The following WDR44 variants were observed in gnomAD, a reference collection of about 807,000 sequenced individuals.
WDR44 encodes WD repeat-containing protein 44.
WDR44 carries 9 observed loss-of-function variants against 65.7 expected under a neutral mutation model. That is an observed-to-expected ratio of 0.14 (90% CI 0.08 to 0.24). The LOEUF is 0.24. WDR44 is among the 10% of genes least tolerant of loss of function. WDR44 has a pLI of 1.00. For missense variants in WDR44, 425 were observed against 670.9 expected (o/e 0.63, Z 4.05); for synonymous variants, 220 against 235.2 (o/e 0.94, Z 0.59).
chrX:118,349,714 C>T (rs886947094), intron 1 of WDR44, among the ~76,000 whole-genome samples: 4 of 110,868 alleles, frequency 3.6e-5, no homozygotes, highest in East Asian at 5.6e-4. Context: ...TGCGCCACCA[C>T]GCCCAGCTAA....
At chrX:118,390,558 G>A (rs936642709) in intron 3 of WDR44, among the ~76,000 whole-genome samples, 8 of 111,434 alleles carry the variant, frequency 7.2e-5, no homozygotes, top group Non-Finnish European at 1.3e-4. Context: ...AGGGATTGGG[G>A]AAGATGCATT....
intron 12 of WDR44, among the ~76,000 whole-genome samples, chrX:118,413,509 C>T (rs2057028998): frequency 9.0e-6 from 1 of 111,385 alleles, no homozygotes. Context: ...CTATTTATGT[C>T]CTTAGCCCAC....
intron 11 of WDR44, 57 bp downstream of exon 11, chrX:118,409,684 T>A: frequency 1.9e-6 from 2 of 1,060,421 alleles, no homozygotes; most frequent in Non-Finnish European, 2.5e-6. Context: ...ATTTTAGGTA[T>A]ACTGATGCCC....
intron 11 of WDR44, 142 bp downstream of exon 11, chrX:118,409,769 A>G: frequency 1.8e-6 from 1 of 551,112 alleles, no homozygotes; most frequent in Non-Finnish European, 2.8e-6. Context: ...GACAGACGTC[A>G]GTGGCAAAAA....
At chrX:118,378,339 C>T (rs2056680753) in intron 1 of WDR44, 80 bp from the exon 2 acceptor site, 1 of 781,522 alleles carries the variant, frequency 1.3e-6, no homozygotes, top group African/African-American at 2.1e-5. Flanking sequence ...TAAATGTGGA[C>T]TTGTCTGTAG....
chrX:118,383,519 T>G (rs991149633), intron 2 of WDR44, among the ~76,000 whole-genome samples: 6 of 112,072 alleles, frequency 5.4e-5, no homozygotes, highest in African/African-American at 1.9e-4. Context: ...CACAGAATTA[T>G]GCTGTACAAT....
intron 1 of WDR44, among the ~76,000 whole-genome samples, chrX:118,362,568 T>C (rs2056520782): frequency 9.0e-6 from 1 of 111,388 alleles, no homozygotes; most frequent in African/African-American, 3.3e-5. Context: ...ACCATACATG[T>C]AGTATTTGCA....
At chrX:118,438,653 A>G (rs2057275018) in intron 14 of WDR44, among the ~76,000 whole-genome samples, 1 of 110,503 alleles carries the variant, frequency 9.0e-6, no homozygotes, top group South Asian at 3.8e-4. Context: ...CATGTTGCCC[A>G]GGCTGGTCTC....
intron 12 of WDR44, among the ~76,000 whole-genome samples, chrX:118,415,786 G>C (rs969265698): frequency 2.7e-5 from 3 of 112,152 alleles, no homozygotes; most frequent in Non-Finnish European, 5.6e-5. Flanking sequence ...TTACAGGCAT[G>C]AGCCATCGTG....
At chrX:118,393,609 A>G (rs1227859694) in intron 4 of WDR44, among the ~76,000 whole-genome samples, 3 of 108,649 alleles carry the variant, frequency 2.8e-5, no homozygotes, top group African/African-American at 1.0e-4. Context: ...AAAAAAAAAG[A>G]GAGAAATAAC....
intron 7 of WDR44, 52 bp from the exon 8 acceptor site, chrX:118,398,335 T>G: frequency 9.5e-7 from 1 of 1,057,344 alleles, no homozygotes; most frequent in South Asian, 2.0e-5. Flanking sequence ...AACAGATTTT[T>G]AAGAAGTATA....
At chrX:118,438,636 G>A (rs2057274882) in intron 14 of WDR44, among the ~76,000 whole-genome samples, 1 of 109,716 alleles carries the variant, frequency 9.1e-6, no homozygotes, top group African/African-American at 3.3e-5. Context: ...TAGAGACAGG[G>A]TATTGCCATG....
intron 12 of WDR44, among the ~76,000 whole-genome samples, chrX:118,413,146 A>G (rs1433138602): frequency 8.9e-6 from 1 of 112,419 alleles, no homozygotes; most frequent in Non-Finnish European, 1.9e-5. Context: ...TTGTGCTGCT[A>G]TAAACGTGCG....
rs1268241232 is a variant in WDR44 at position 118,387,391 on chromosome X, T to G, written c.163T>G (p.Leu55Val). Residue 55 changes from leucine (L) to valine (V), a missense_variant, in exon 3 of 20, where the codon TTG becomes GTG. Leu to Val is a conservative substitution (Grantham distance 32, BLOSUM62 1). This residue lies in a region of WDR44 where 193 missense variants were observed against 209.0 expected (regional missense o/e 0.92). Coordinates refer to ENST00000254029, the MANE Select transcript of WDR44 (RefSeq NM_019045.5). ...TGGAAATGAGTCCCCTGTACAAGAATTGAAACAAGATGTGTCTAAAAAGGT... is the reference window on the plus strand; with the variant it reads ...TGGAAATGAGTCCCCTGTACAAGAAGTGAAACAAGATGTGTCTAAAAAGGT... ...KVGNESPVQE[L>V]KQDVSKKIIE... 8.3e-7 allele frequency: 1 copy of G among 1,198,000 alleles called. No homozygotes were observed. Among genetic ancestry groups the G allele is most frequent in the African/African-American group, 1.7e-5 (1 of 57,259 alleles).
chrX:118,358,218 GTTATC>G (rs1473552722), intron 1 of WDR44, among the ~76,000 whole-genome samples: 2 of 112,140 alleles, frequency 1.8e-5, no homozygotes, highest in African/African-American at 6.5e-5. Flanking sequence ...AATAGGAAGT[GTTATC>G]TTTCTTTTGT....
intron 1 of WDR44, among the ~76,000 whole-genome samples, chrX:118,373,123 AAG>A (rs2056629020): frequency 9.0e-6 from 1 of 110,668 alleles, no homozygotes; most frequent in Admixed American, 9.7e-5. Context: ...CAACAACAAA[AAG>A]AAGTGACCAC....
chrX:118,432,781 G>T lies in WDR44; in HGVS notation c.1738G>T (p.Val580Leu). ...SSSKSDTDTG[V>L]CSGTDEDPDD... is the part of the protein sequence containing the mutation. ...AAAGTTTATCTTTATATCCAAATAG[G>T]TATGCAGTGGAACTGATGAAGACCC... Residue 580 changes from valine (V) to leucine (L), a missense_variant and splice_region_variant, in exon 13 of 20, where the codon GTA (valine) becomes TTA (leucine). Val to Leu is a conservative substitution (Grantham distance 32). Around this residue, in one of 5 missense-constraint regions of WDR44, gnomAD observed 45 missense variants for 50.0 expected, o/e 0.90. Transcript: ENST00000254029. 1 of 1,202,152 alleles carries T rather than the reference G, an allele frequency of 8.3e-7. No homozygotes were observed. Among genetic ancestry groups the T allele is most frequent in the Non-Finnish European group, 1.1e-6 (1 of 887,617 alleles).
At chrX:118,404,874 G>C (rs1164777449) in intron 9 of WDR44, among the ~76,000 whole-genome samples, 1 of 107,106 alleles carries the variant, frequency 9.3e-6, no homozygotes, top group Non-Finnish European at 1.9e-5. Flanking sequence ...CTAATTTTTT[G>C]TGTTTTTAGT....
chrX:118,445,656 T>C (rs1174880551), intron 19 of WDR44, among the ~76,000 whole-genome samples: 1 of 112,435 alleles, frequency 8.9e-6, no homozygotes, highest in Non-Finnish European at 1.9e-5. Context: ...AGAATGAATA[T>C]TAATTCCAGT....
Sources: allele counts gnomAD v4.1 joint callset (sites outside exome capture counted in the v4.1 genomes callset), GRCh38; gene constraint gnomAD v4.1.1; regional missense constraint gnomAD v4.1.1; transcripts MANE v1.5; gene names NCBI Gene and HGNC (gene_info 2026-07-23, HGNC 2026-07-21).